The following PZP variants were observed in gnomAD, a reference collection of about 807,000 sequenced individuals.
PZP encodes the protein pregnancy zone protein.
Under a neutral mutation model 179.8 loss-of-function variants are expected in PZP, and 150 were observed. That is an observed-to-expected ratio of 0.83 (90% CI 0.73 to 0.96). PZP has a LOEUF of 0.96. PZP is among the 40% of genes least tolerant of loss of function. The pLI is 0.00. For synonymous variants in PZP, 624 were observed against 652.3 expected (o/e 0.96, Z 0.66); for missense variants, 1,689 against 1,764.0 (o/e 0.96, Z 0.76).
chr12:9,145,087 A>G (rs1325549252), downstream of PZP, among the ~76,000 whole-genome samples: 1 of 152,190 alleles, frequency 6.6e-6, no homozygotes, highest in Non-Finnish European at 1.5e-5. Context: ...AGTACCTTGT[A>G]TATAGAATAT....
At chr12:9,199,075 CT>C (rs1176272403) in intron 7 of PZP, among the ~76,000 whole-genome samples, 1 of 152,152 alleles carries the variant, frequency 6.6e-6, no homozygotes, top group Non-Finnish European at 1.5e-5. Flanking sequence ...TTCATGCCCT[CT>C]GTCTACTGCT....
intron 13 of PZP, among the ~76,000 whole-genome samples, chr12:9,183,379 C>T (rs755885154): frequency 7.3e-5 from 11 of 150,904 alleles, no homozygotes; most frequent in South Asian, 2.1e-4. Context: ...TGTCCCATAA[C>T]GTTATGTTGT....
chr12:9,156,245 C>T (rs770086821), intron 28 of PZP: 47 of 202,978 alleles, frequency 2.3e-4, no homozygotes, highest in Non-Finnish European at 3.5e-4. Context: ...GATTACTCTG[C>T]TTCCAGTACC....
intron 21 of PZP, among the ~76,000 whole-genome samples, chr12:9,163,309 A>G (rs1472813227): frequency 1.3e-5 from 2 of 151,468 alleles, no homozygotes; most frequent in East Asian, 1.9e-4. Flanking sequence ...AAAAAAAAAA[A>G]AAAAAATTAG....
At position 9,208,346 on chromosome 12, in the gene PZP, A is replaced by T. The variant is rs764975527; in HGVS notation, c.-5T>A. ...AAGAAGTCTGTCTTTCCGCATTGTGAGGGATAAATCTCAGGGTTGTGTCCA... is the reference window on the plus strand; with the variant it reads ...AAGAAGTCTGTCTTTCCGCATTGTGTGGGATAAATCTCAGGGTTGTGTCCA... On this transcript the variant is annotated 5_prime_UTR_variant, in exon 1 of 36. Transcript: ENST00000261336. 1.2e-6 allele frequency: 2 copies of T among 1,611,036 alleles called. No homozygotes were observed. The highest frequency in any genetic ancestry group is 4.5e-5 in the East Asian group (2 of 44,822).
intron 13 of PZP, among the ~76,000 whole-genome samples, chr12:9,190,599 G>T (rs1232084775): frequency 6.6e-6 from 1 of 151,986 alleles, no homozygotes; most frequent in Admixed American, 6.6e-5. Flanking sequence ...TGGGTAGTAG[G>T]CTTAGAACCT....
intron 7 of PZP, among the ~76,000 whole-genome samples, chr12:9,200,082 T>G (rs763577288): frequency 6.6e-6 from 1 of 152,326 alleles, no homozygotes; most frequent in African/African-American, 2.4e-5. Context: ...TACTACTGCA[T>G]GTACAGAAAA....
chr12:9,169,572 AC>A lies in PZP; in HGVS notation c.1858del (p.Val620Ter), dbSNP rs1941838909. Reference protein sequence around the residue: ...SVSSVYNLLTVKDLTNFPDNV... With the variant: ...SVSSVYNLLTXKDLTNFPDNV... ...GTCAGGAAAATTGGTGAGATCCTTC[AC>A]AGTTAGCAGATTATATACCTGTAGC... On this transcript the variant is annotated frameshift_variant, in exon 16 of 36. Transcript: ENST00000261336. LOFTEE classifies it high-confidence loss of function. 2 of 1,612,474 alleles carry A rather than the reference AC, an allele frequency of 1.2e-6. No homozygotes were observed. The highest frequency in any genetic ancestry group is 2.7e-5 in the African/African-American group (2 of 74,810).
chr12:9,180,754 T>A (rs1010375802), intron 15 of PZP, among the ~76,000 whole-genome samples: 4 of 152,180 alleles, frequency 2.6e-5, no homozygotes, highest in African/African-American at 9.7e-5. Context: ...GGACTTCATG[T>A]CCAAAACACC....
chr12:9,197,982 T>A (rs939632734), intron 7 of PZP, among the ~76,000 whole-genome samples: 3 of 135,438 alleles, frequency 2.2e-5, no homozygotes, highest in African/African-American at 8.3e-5. Context: ...TTAATATATA[T>A]TATATATATA....
intron 25 of PZP, 79 bp from the exon 26 acceptor site, chr12:9,158,655 C>G (rs7309811): frequency 0.29 from 408,919 of 1,414,826 alleles, 63,436 homozygotes; most frequent in Admixed American, 0.34. Context: ...ACAGGCTCCC[C>G]CATCACAGTG....
intron 6 of PZP, 45 bp downstream of exon 6, chr12:9,200,847 T>A: frequency 1.3e-6 from 2 of 1,577,184 alleles, no homozygotes; most frequent in Non-Finnish European, 1.7e-6. Flanking sequence ...GCTCACACTC[T>A]AGGAACCAAA....
At position 9,208,314 on chromosome 12, in the gene PZP, A is replaced by G. The variant is rs763159081; in HGVS notation, c.28T>C (p.Cys10Arg). 6.2e-7 allele frequency: 1 copy of G among 1,613,674 alleles called. No individual in the cohort carries two copies. Among genetic ancestry groups the G allele is most frequent in the Non-Finnish European group, 8.5e-7 (1 of 1,179,638 alleles). MRKDRLLHL[C>R]LVLLLILLSA... ...AGCAGGATAAGAAGTAGCACAAGACATAAATGAAGAAGTCTGTCTTTCCGC... is the reference window on the plus strand; with the variant it reads ...AGCAGGATAAGAAGTAGCACAAGACGTAAATGAAGAAGTCTGTCTTTCCGC... The change falls in exon 1 of 36, where the codon TGT becomes CGT. Residue 10 changes from cysteine to arginine, a missense_variant. This residue lies in a region of PZP where 742 missense variants were observed against 730.5 expected (regional missense o/e 1.02). Transcript: ENST00000261336.
chr12:9,139,919 C>T, the PZP span, among the ~76,000 whole-genome samples: 3 of 152,144 alleles, frequency 2.0e-5, no homozygotes, highest in African/African-American at 7.2e-5. Flanking sequence ...GAGAGCTTAT[C>T]ACAGGCTTGG....
At chr12:9,142,671 GT>G in the PZP span, among the ~76,000 whole-genome samples, 10 of 152,136 alleles carry the variant, frequency 6.6e-5, no homozygotes, top group Admixed American at 6.5e-4. Context: ...AAATCCAGTA[GT>G]TATAAGATTT....
chr12:9,180,861 G>A, intron 15 of PZP, 122 bp downstream of exon 15: 6 of 1,003,004 alleles, frequency 6.0e-6, no homozygotes, highest in Non-Finnish European at 8.5e-6. Context: ...GAGTGAACAG[G>A]CAACCTACAA....
intron 26 of PZP, among the ~76,000 whole-genome samples, chr12:9,158,079 T>C (rs1940895542): frequency 1.3e-5 from 2 of 152,272 alleles, no homozygotes; most frequent in Admixed American, 6.5e-5. Context: ...GCTTGTCAAG[T>C]AGCTGCAACT....
chr12:9,193,718 A>AGT (rs143202543), intron 11 of PZP, among the ~76,000 whole-genome samples: 28 of 151,918 alleles, frequency 1.8e-4, no homozygotes, highest in South Asian at 1.0e-3. Context: ...GTGTATATTA[A>AGT]GTGTGTGTGT....
chr12:9,160,787 C>T (rs1191097084), intron 23 of PZP, among the ~76,000 whole-genome samples: 1 of 151,860 alleles, frequency 6.6e-6, no homozygotes. Context: ...TGGTGGCGGG[C>T]GCCTGTAGTC....
Sources: allele counts gnomAD v4.1 joint callset (sites outside exome capture counted in the v4.1 genomes callset), GRCh38; gene constraint gnomAD v4.1.1; regional missense constraint gnomAD v4.1.1; transcripts MANE v1.5; gene names NCBI Gene and HGNC (gene_info 2026-07-23, HGNC 2026-07-21).